The following HNRNPC variants were observed in gnomAD, a reference collection of about 807,000 sequenced individuals.
HNRNPC encodes heterogeneous nuclear ribonucleoproteins C1/C2.
HNRNPC carries 3 observed loss-of-function variants against 33.2 expected under a neutral mutation model. That is an observed-to-expected ratio of 0.09 (90% confidence interval 0.04 to 0.23). The LOEUF (loss-of-function observed/expected upper bound fraction) is 0.23, where lower values mean the gene tolerates loss of function less well. Ranked by LOEUF, HNRNPC falls within the 10% of genes least tolerant of loss-of-function variation. The pLI, the probability that HNRNPC is intolerant of heterozygous loss-of-function variation, is 1.00. For missense variants in HNRNPC, 143 were observed against 366.7 expected, an observed-to-expected ratio of 0.39 and a Z score of 4.98; for synonymous variants, 121 against 126.7, an observed-to-expected ratio of 0.96 and a Z score of 0.30.
intron 2 of HNRNPC, among the ~76,000 whole-genome samples, chr14:21,250,719 T>A (rs1357018328): frequency 6.6e-6 from 1 of 152,224 alleles, no homozygotes; most frequent in Admixed American, 6.5e-5. Flanking sequence ...GTGGCTACAC[T>A]GTAGTCTTCA....
rs1896495511 is a variant in HNRNPC, at chr14:21,250,351, A to C, written c.-37+12960T>G. On this transcript the variant is annotated intron_variant, in intron 2 of 8. Coordinates refer to ENST00000553300, the MANE Select transcript of HNRNPC (RefSeq NM_004500.4). ...GTTCAGCAAAAAAATAAAATGAAAC[A>C]TGGCAATCCTGGTGGAAGGTATATT... Among the ~76,000 whole-genome samples, 4 of 152,158 alleles carry C rather than the reference A, an allele frequency of 2.6e-5. No homozygotes were observed. In the South Asian group the frequency reaches 8.3e-4, roughly 31 times the overall value.
chr14:21,256,524 T>C (rs1877238685), intron 2 of HNRNPC, among the ~76,000 whole-genome samples: 1 of 151,772 alleles, frequency 6.6e-6, no homozygotes, highest in Admixed American at 6.6e-5. Context: ...ACAAAACTAG[T>C]GGGGAGGGAC....
chr14:21,255,862 G>A (rs745349729), intron 2 of HNRNPC, among the ~76,000 whole-genome samples: 8 of 152,154 alleles, frequency 5.3e-5, no homozygotes, highest in Non-Finnish European at 8.8e-5. Flanking sequence ...AGCTTAAAGC[G>A]CTAAATAAGG....
intron 5 of HNRNPC, 147 bp from the exon 6 acceptor site, chr14:21,213,264 A>G: frequency 1.3e-6 from 1 of 740,876 alleles, no homozygotes; most frequent in East Asian, 2.8e-5. Context: ...AAAAACCTCC[A>G]CAGTGGGGTT....
chr14:21,264,312 A>G (rs978371019), intron 1 of HNRNPC: 1 of 152,216 alleles, frequency 6.6e-6, no homozygotes, highest in Non-Finnish European at 1.5e-5. Context: ...ATCTATTCTC[A>G]AAACCAGTGA....
rs1891523491 is a variant in HNRNPC, at chr14:21,210,901, C to T, written c.*322G>A. 1.5e-5 allele frequency: 5 copies of T among 338,986 alleles called. No individual in the cohort carries two copies. In the South Asian group the frequency reaches 2.3e-4, roughly 16 times the overall value. 21.0% of individuals were successfully genotyped at this position (338,986 alleles called of 1,614,324 possible). On this transcript the variant is annotated 3_prime_UTR_variant, in exon 9 of 9. Transcript: ENST00000553300. Reference sequence around the variant, plus strand: ...ATGTATGAATGAAAAGAACTGTACTCCCTGCATAACAAGAGATTATTTTGG... The same window carrying T: ...ATGTATGAATGAAAAGAACTGTACTTCCTGCATAACAAGAGATTATTTTGG...
At chr14:21,229,890 G>A (rs1309320279) in intron 5 of HNRNPC, among the ~76,000 whole-genome samples, 5 of 152,110 alleles carry the variant, frequency 3.3e-5, no homozygotes, top group African/African-American at 1.2e-4. Flanking sequence ...GAGTTTGAAC[G>A]CGACAAGCCA....
chr14:21,213,241 T>G, intron 5 of HNRNPC, 124 bp from the exon 6 acceptor site: 1 of 1,033,286 alleles, frequency 9.7e-7, no homozygotes, highest in Non-Finnish European at 1.4e-6. Context: ...TAAATTTCAT[T>G]AAGAAGGCCA....
intron 2 of HNRNPC, among the ~76,000 whole-genome samples, chr14:21,245,084 CAAAA>C (rs71112560): frequency 0.019 from 1,041 of 54,516 alleles, 3 homozygotes; most frequent in Non-Finnish European, 0.028. Flanking sequence ...GACTCCATCT[CAAAA>C]AAAAAAAAAA....
At chr14:21,238,077 C>A (rs1270495712) in intron 2 of HNRNPC, among the ~76,000 whole-genome samples, 1 of 152,032 alleles carries the variant, frequency 6.6e-6, no homozygotes, top group Non-Finnish European at 1.5e-5. Flanking sequence ...GGCCCTGATC[C>A]CATTTTCTTG....
intron 1 of HNRNPC, among the ~76,000 whole-genome samples, chr14:21,267,417 T>C (rs1274976203): frequency 6.6e-6 from 1 of 152,178 alleles, no homozygotes; most frequent in African/African-American, 2.4e-5. Flanking sequence ...CGCACAGCCA[T>C]TCCATCCAAA....
intron 1 of HNRNPC, among the ~76,000 whole-genome samples, chr14:21,266,523 A>G (rs1409349516): frequency 6.6e-6 from 1 of 152,000 alleles, no homozygotes; most frequent in East Asian, 1.9e-4. Context: ...AACCTATGAT[A>G]GTAAATGTAC....
intron 2 of HNRNPC, chr14:21,234,635 G>T: frequency 6.1e-6 from 1 of 164,584 alleles, no homozygotes; most frequent in South Asian, 1.6e-4. Flanking sequence ...ACTATTCCCT[G>T]CCATCAATAA....
chr14:21,243,088 T>G (rs956535699), intron 2 of HNRNPC, among the ~76,000 whole-genome samples: 1 of 152,088 alleles, frequency 6.6e-6, no homozygotes, highest in Non-Finnish European at 1.5e-5. Context: ...TCAAGCCACC[T>G]CACTGTCTCA....
At chr14:21,253,088 C>T (rs1594309509) in intron 2 of HNRNPC, among the ~76,000 whole-genome samples, 1 of 150,476 alleles carries the variant, frequency 6.6e-6, no homozygotes, top group African/African-American at 2.4e-5. Context: ...GCAAGGGAAT[C>T]GCTTGAACCT....
chr14:21,231,588 T>G (rs1425963892), intron 3 of HNRNPC, among the ~76,000 whole-genome samples: 2 of 152,198 alleles, frequency 1.3e-5, no homozygotes, highest in Non-Finnish European at 2.9e-5. Context: ...GTGTGAGCTA[T>G]CAAGCTCAGC....
intron 2 of HNRNPC, among the ~76,000 whole-genome samples, chr14:21,255,239 T>C (rs1422684604): frequency 6.6e-6 from 1 of 152,186 alleles, no homozygotes; most frequent in Non-Finnish European, 1.5e-5. Flanking sequence ...TCTGGTTCAA[T>C]GAACTCCTGG....
At chr14:21,249,109 T>C (rs977827571) in intron 2 of HNRNPC, among the ~76,000 whole-genome samples, 1 of 152,214 alleles carries the variant, frequency 6.6e-6, no homozygotes, top group Non-Finnish European at 1.5e-5. Flanking sequence ...TTTTCACTAA[T>C]AATACATAAT....
chr14:21,254,123 C>T (rs1255400743), intron 2 of HNRNPC, among the ~76,000 whole-genome samples: 1 of 150,334 alleles, frequency 6.7e-6, no homozygotes, highest in African/African-American at 2.5e-5. Context: ...ATGTGCATAC[C>T]CTTGAATAAT....
Sources: allele counts gnomAD v4.1 joint callset (sites outside exome capture counted in the v4.1 genomes callset), GRCh38; gene constraint gnomAD v4.1.1; transcripts MANE v1.5; gene names NCBI Gene and HGNC (gene_info 2026-07-23, HGNC 2026-07-21).